The following OPCML variants were observed in gnomAD, a reference collection of about 807,000 sequenced individuals.
OPCML encodes opioid binding protein/cell adhesion molecule like, also known as opioid-binding protein/cell adhesion molecule.
OPCML carries 13 observed loss-of-function variants against 37.8 expected under a neutral mutation model. The observed-to-expected ratio is 0.34, with a 90% CI of 0.22 to 0.55. The LOEUF (loss-of-function observed/expected upper bound fraction) is 0.55. Ranked by LOEUF, OPCML falls within the 20% of genes least tolerant of loss-of-function variation. The pLI is 0.91. For synonymous variants in OPCML, 176 were observed against 168.8 expected (o/e 1.04, Z -0.33); for missense variants, 341 against 435.6 (o/e 0.78, Z 1.93).
chr11:132,441,158 C>CTT lies in OPCML; in HGVS notation c.506-3801_506-3800dup, dbSNP rs749099654. Among the ~76,000 whole-genome samples the CTT allele has an allele frequency of 4.0e-4, 43 of 108,044 alleles. 5 individuals are homozygous for CTT. Among genetic ancestry groups the CTT allele is most frequent in the African/African-American group, 1.7e-3 (39 of 22,756 alleles). The allele number at this position is 108,044 out of a possible 152,430, so 70.9% of individuals were successfully genotyped here. On this transcript the variant is annotated intron_variant, in intron 4 of 7. Transcript: ENST00000524381. ...ATTCTGAAGATGTGTTCACCAAGGA[C>CTT]TTTTTTGTTTTTTTTTTTTTTTTTT...
chr11:133,233,114 T>A (rs575536531), intron 1 of OPCML, among the ~76,000 whole-genome samples: 103 of 152,288 alleles, frequency 6.8e-4, no homozygotes, highest in Admixed American at 1.4e-3. Context: ...GCAGCTAAGC[T>A]TATTCCTAAA....
chr11:132,965,979 T>C (rs1200629796), intron 1 of OPCML, among the ~76,000 whole-genome samples: 1 of 152,176 alleles, frequency 6.6e-6, no homozygotes, highest in African/African-American at 2.4e-5. Flanking sequence ...ATTTTGTTGA[T>C]ATTTTCAAAG....
intron 2 of OPCML, among the ~76,000 whole-genome samples, chr11:132,929,405 A>T: frequency 6.6e-6 from 1 of 152,236 alleles, no homozygotes; most frequent in African/African-American, 2.4e-5. Flanking sequence ...AAGAAATTGA[A>T]AATCTGAACC....
chr11:132,723,460 C>T (rs148352958), intron 2 of OPCML, among the ~76,000 whole-genome samples: 1 of 152,044 alleles, frequency 6.6e-6, no homozygotes, highest in South Asian at 2.1e-4. Context: ...TATATACCTG[C>T]CTCTGAGGGT....
At chr11:132,453,346 C>A (rs575593784) in intron 4 of OPCML, among the ~76,000 whole-genome samples, 1 of 152,166 alleles carries the variant, frequency 6.6e-6, no homozygotes, top group Non-Finnish European at 1.5e-5. Context: ...AGCTGAGAAA[C>A]CTGCACCAAA....
intron 1 of OPCML, among the ~76,000 whole-genome samples, chr11:133,327,578 T>C (rs1414359900): frequency 2.0e-5 from 3 of 152,104 alleles, no homozygotes; most frequent in Non-Finnish European, 2.9e-5. Context: ...GCCCATCTCT[T>C]TAGTTTATGC....
At chr11:133,457,932 G>C (rs531750437) in intron 1 of OPCML, among the ~76,000 whole-genome samples, 1 of 151,980 alleles carries the variant, frequency 6.6e-6, no homozygotes, top group Non-Finnish European at 1.5e-5. Context: ...GGGTCATGAG[G>C]TCAGGAGTTC....
intron 2 of OPCML, among the ~76,000 whole-genome samples, chr11:132,692,941 G>A (rs891329392): frequency 6.6e-6 from 1 of 152,122 alleles, no homozygotes; most frequent in African/African-American, 2.4e-5. Context: ...ATTAAGAATG[G>A]AAATCATGCT....
chr11:133,406,843 C>G (rs1000839132), intron 1 of OPCML, among the ~76,000 whole-genome samples: 1 of 152,160 alleles, frequency 6.6e-6, no homozygotes, highest in Non-Finnish European at 1.5e-5. Context: ...TGGAAACACA[C>G]GCTTAAGTGA....
In OPCML at chr11:133,486,536, C is replaced by T. The variant is rs139238728; in HGVS notation, c.61+45728G>A. Among the ~76,000 whole-genome samples, 934 of 152,216 alleles carry T rather than the reference C, an allele frequency of 6.1e-3. 3 individuals carry two copies. Among genetic ancestry groups the T allele is most frequent in the South Asian group, 0.017 (82 of 4,822 alleles). On this transcript the variant is annotated intron_variant, in intron 1 of 7. Coordinates refer to ENST00000524381, the MANE Select transcript of OPCML (RefSeq NM_001012393.5). ...CCAATGCTTGCTCCTTCACAGCCTC[C>T]TCTGCTGAGTCTTCCTTTCCTCGAC...
chr11:133,531,683 G>A (rs552238133), intron 1 of OPCML, among the ~76,000 whole-genome samples: 1 of 151,882 alleles, frequency 6.6e-6, no homozygotes, highest in African/African-American at 2.4e-5. Flanking sequence ...CAGGGGGAGA[G>A]GGTAGGGGAG....
At chr11:132,956,016 A>G (rs1464338249) in intron 1 of OPCML, among the ~76,000 whole-genome samples, 2 of 152,244 alleles carry the variant, frequency 1.3e-5, no homozygotes, top group Non-Finnish European at 2.9e-5. Context: ...TAATAAAAAT[A>G]ATTATGTATC....
chr11:132,583,424 G>C (rs1018853105), intron 3 of OPCML, among the ~76,000 whole-genome samples: 2 of 151,990 alleles, frequency 1.3e-5, no homozygotes, highest in Non-Finnish European at 2.9e-5. Flanking sequence ...TCAGCCTCCT[G>C]AGAAACCGGG....
chr11:132,551,807 G>A (rs552837813), intron 3 of OPCML, among the ~76,000 whole-genome samples: 28 of 152,246 alleles, frequency 1.8e-4, no homozygotes, highest in African/African-American at 5.3e-4. Flanking sequence ...TGAGGAGACC[G>A]ATTTGAGTAA....
intron 4 of OPCML, among the ~76,000 whole-genome samples, chr11:132,474,450 G>A (rs2096148219): frequency 6.6e-6 from 1 of 152,110 alleles, no homozygotes; most frequent in African/African-American, 2.4e-5. Flanking sequence ...GTGACCCTGT[G>A]GCCTGTCCTC....
intron 1 of OPCML, among the ~76,000 whole-genome samples, chr11:133,210,920 C>A (rs987741053): frequency 6.6e-6 from 1 of 152,072 alleles, no homozygotes; most frequent in Non-Finnish European, 1.5e-5. Context: ...CTTATTGGTG[C>A]CCTCTAGGAG....
chr11:133,382,671 C>A (rs1182053871), intron 1 of OPCML, among the ~76,000 whole-genome samples: 1 of 152,186 alleles, frequency 6.6e-6, no homozygotes, highest in Non-Finnish European at 1.5e-5. Flanking sequence ...GTCTTTCAAC[C>A]TTTAATCCTG....
intron 4 of OPCML, among the ~76,000 whole-genome samples, chr11:132,471,534 A>G (rs1446709530): frequency 6.6e-6 from 1 of 152,188 alleles, no homozygotes; most frequent in African/African-American, 2.4e-5. Context: ...TTGGGGCTGG[A>G]GGACCTGATT....
At chr11:132,960,625 CCT>C (rs1946072973) in intron 1 of OPCML, among the ~76,000 whole-genome samples, 1 of 152,184 alleles carries the variant, frequency 6.6e-6, no homozygotes, top group African/African-American at 2.4e-5. Flanking sequence ...TTTCTCTCTC[CCT>C]CTGTCTCTTC....
Sources: allele counts gnomAD v4.1 joint callset (sites outside exome capture counted in the v4.1 genomes callset), GRCh38; gene constraint gnomAD v4.1.1; transcripts MANE v1.5; gene names NCBI Gene and HGNC (gene_info 2026-07-23, HGNC 2026-07-21).